The following PIEZO2 variants were observed in gnomAD, a reference collection of about 807,000 sequenced individuals.
PIEZO2 encodes the protein piezo type mechanosensitive ion channel component 2.
Under a neutral mutation model 337.3 loss-of-function variants are expected in PIEZO2, and 172 were observed. The ratio of observed to expected loss-of-function variants is 0.51; its 90% CI spans 0.45 to 0.58. The LOEUF is 0.58. PIEZO2 is among the 20% of genes least tolerant of loss of function. PIEZO2 has a pLI of 0.00. For missense variants in PIEZO2, 3,028 were observed against 3,391.3 expected (o/e 0.89, Z 2.66); for synonymous variants, 1,251 against 1,228.5 (o/e 1.02, Z -0.38).
chr18:10,958,822 G>A (rs1459900991), intron 3 of PIEZO2, among the ~76,000 whole-genome samples: 2 of 152,084 alleles, frequency 1.3e-5, no homozygotes, highest in Non-Finnish European at 2.9e-5. Context: ...CACAGTCTAA[G>A]GTATAAATTT....
At chr18:10,711,277 G>T (rs2035809111) in intron 39 of PIEZO2, among the ~76,000 whole-genome samples, 1 of 152,128 alleles carries the variant, frequency 6.6e-6, no homozygotes, top group East Asian at 1.9e-4. Context: ...AAGTCATAAA[G>T]ATGGGATTCA....
chr18:10,701,413 G>A (rs2035325047), intron 43 of PIEZO2, among the ~76,000 whole-genome samples: 1 of 152,172 alleles, frequency 6.6e-6, no homozygotes, highest in African/African-American at 2.4e-5. Flanking sequence ...GATCATGAGT[G>A]GCCTCCTCCA....
Position 11,078,088 on chromosome 18 carries a change from TAC to T in PIEZO2, c.65-11868_65-11867del, listed in dbSNP as rs544506346. Among the ~76,000 whole-genome samples, 6 of 140,674 alleles carry T rather than the reference TAC, an allele frequency of 4.3e-5. No homozygotes were observed. The highest frequency in any genetic ancestry group is 2.1e-4 in the East Asian group (1 of 4,844). The allele number at this position is 140,674 out of a possible 152,430, so 92.3% of individuals were successfully genotyped here. ...CACACCACACACACAAAAACAAACA[TAC>T]ACACACACAAACACATACACATATA... On this transcript the variant is annotated intron_variant, in intron 1 of 55. Coordinates refer to ENST00000674853, the MANE Select transcript of PIEZO2 (RefSeq NM_001378183.1). This position sits in a 1 kb window ranked among gnomAD's most constrained non-coding sequence, Gnocchi z 5.3.
Position 10,894,620 on chromosome 18 carries a change from C to T in PIEZO2, c.329+16566G>A, listed in dbSNP as rs547127294. 6.6e-6 allele frequency: 1 copy of T among 152,256 alleles called. No individual in the cohort carries two copies. Among genetic ancestry groups the T allele is most frequent in the Admixed American group, 6.5e-5 (1 of 15,294 alleles). 9.4% of individuals were successfully genotyped at this position (152,256 alleles called of 1,614,324 possible). On this transcript the variant is annotated intron_variant, in intron 4 of 55. Coordinates refer to ENST00000674853, the MANE Select transcript of PIEZO2 (RefSeq NM_001378183.1). The surrounding 1 kb of genome is among the most constrained non-coding windows in gnomAD (Gnocchi z 4.1). ...CAGCTGTGCATGTGGGCAGCCCACC[C>T]CAAAGGAAGAAGAATCAGGAAAGAA...
In PIEZO2 at chr18:11,054,268, T is replaced by A. The variant is rs574435538; in HGVS notation, c.160+11859A>T. ...ACATTTTTAAGAGTCTTGATTTCTT[T>A]AATTACTCATGATCCTGCAATCCTA... On this transcript the variant is annotated intron_variant, in intron 2 of 55. Coordinates refer to ENST00000674853, the MANE Select transcript of PIEZO2 (RefSeq NM_001378183.1). Among the ~76,000 whole-genome samples the A allele has an allele frequency of 1.9e-3, 294 of 152,338 alleles. 5 individuals carry two copies. Among genetic ancestry groups the A allele is most frequent in the Non-Finnish European group, 3.4e-4 (23 of 68,024 alleles).
chr18:10,880,601 C>T (rs1165962403), intron 4 of PIEZO2, among the ~76,000 whole-genome samples: 2 of 151,968 alleles, frequency 1.3e-5, no homozygotes, highest in African/African-American at 4.8e-5. Flanking sequence ...TGAATTACAA[C>T]AACATGACTA....
intron 55 of PIEZO2, 36 bp from the exon 56 acceptor site, chr18:10,671,815 G>C (rs1462515648): frequency 4.3e-5 from 63 of 1,481,210 alleles, no homozygotes; most frequent in Non-Finnish European, 5.6e-5. Flanking sequence ...GCATACAGCA[G>C]TTAAATATAG....
At chr18:11,142,202 T>TA (rs1320245798) in intron 1 of PIEZO2, among the ~76,000 whole-genome samples, 2 of 152,236 alleles carry the variant, frequency 1.3e-5, no homozygotes, top group Non-Finnish European at 2.9e-5. Context: ...AACTGTTACA[T>TA]ATATTTTCTT....
At chr18:11,068,730 C>A (rs2038239331) in intron 1 of PIEZO2, among the ~76,000 whole-genome samples, 1 of 151,986 alleles carries the variant, frequency 6.6e-6, no homozygotes, top group South Asian at 2.1e-4. Flanking sequence ...ATAGAAAAGG[C>A]CAACAAAACT....
chr18:10,872,595 T>C lies in PIEZO2; in HGVS notation c.330-1180A>G, dbSNP rs2144795535. On this transcript the variant is annotated intron_variant, in intron 4 of 55. Transcript: ENST00000674853. This position sits in a 1 kb window ranked among gnomAD's most constrained non-coding sequence, Gnocchi z 4.3. ...CAGCACACGACACGGGCCAGCCATG[T>C]CCCTCATCCGGTGCTAGATGCCTGC... Among the ~76,000 whole-genome samples, 1 of 152,302 alleles carries C rather than the reference T, an allele frequency of 6.6e-6. No homozygotes were observed. The highest frequency in any genetic ancestry group is 1.9e-4 in the East Asian group (1 of 5,172).
chr18:10,843,461 C>A (rs1207785898), intron 7 of PIEZO2, among the ~76,000 whole-genome samples: 1 of 152,052 alleles, frequency 6.6e-6, no homozygotes, highest in Non-Finnish European at 1.5e-5. Context: ...AAGAAATTTA[C>A]CACCACTAAT....
chr18:10,914,831 C>T (rs1189080380), intron 3 of PIEZO2, among the ~76,000 whole-genome samples: 9 of 152,166 alleles, frequency 5.9e-5, no homozygotes, highest in African/African-American at 2.2e-4. Flanking sequence ...ACACGGTAAA[C>T]AAACCTTGGA....
At chr18:10,983,460 T>C (rs2034746591) in intron 2 of PIEZO2, among the ~76,000 whole-genome samples, 1 of 152,168 alleles carries the variant, frequency 6.6e-6, no homozygotes, top group Non-Finnish European at 1.5e-5. Context: ...GTGAGTGATG[T>C]GTGTGCCTAA....
intron 39 of PIEZO2, among the ~76,000 whole-genome samples, chr18:10,714,530 G>C (rs1439104302): frequency 3.3e-5 from 5 of 152,078 alleles, no homozygotes; most frequent in African/African-American, 4.8e-5. Context: ...TGTGCCTTTG[G>C]GTCACACAGG....
intron 1 of PIEZO2, among the ~76,000 whole-genome samples, chr18:11,117,108 C>G (rs191117420): frequency 1.3e-5 from 2 of 152,000 alleles, no homozygotes; most frequent in East Asian, 1.9e-4. Context: ...TCTGTCCCCC[C>G]CACAAAAAAA....
At chr18:11,005,201 T>A (rs2035676655) in intron 2 of PIEZO2, among the ~76,000 whole-genome samples, 1 of 152,224 alleles carries the variant, frequency 6.6e-6, no homozygotes, top group Admixed American at 6.5e-5. Context: ...CCCCTTCACA[T>A]CAGGCTTCTT....
chr18:10,757,971 G>A lies in PIEZO2; in HGVS notation c.3921C>T (p.Cys1307=). 6.5e-7 allele frequency: 1 copy of A among 1,534,644 alleles called. No homozygotes were observed. The highest frequency in any genetic ancestry group is 2.4e-5 in the East Asian group (1 of 40,888). Residue 1307 remains cysteine, a splice_region_variant and synonymous_variant, in exon 27 of 56, where the codon TGC becomes TGT. Coordinates refer to ENST00000674853, the MANE Select transcript of PIEZO2 (RefSeq NM_001378183.1). ...AGCAAATGTGAAGCTCTTGTTACCTGCAGTGAATAAAATCTGGCACAGGGT... is the reference window on the plus strand; with the variant it reads ...AGCAAATGTGAAGCTCTTGTTACCTACAGTGAATAAAATCTGGCACAGGGT... ...QHNPVPDFIH[C]RSYLDMSKVI... is the part of the protein sequence containing the mutation.
In PIEZO2 at chr18:11,131,391, G is replaced by A. The variant is rs989209648; in HGVS notation, c.64+17134C>T. ...TGTCTTCTCTCCCACAGCCTGCACC[G>A]ATGGCCTCATGGGGAGTTCCCTATG... On this transcript the variant is annotated intron_variant, in intron 1 of 55. Transcript: ENST00000674853. This position sits in a 1 kb window ranked among gnomAD's most constrained non-coding sequence, Gnocchi z 5.3. Among the ~76,000 whole-genome samples the A allele has an allele frequency of 6.6e-6, 1 of 152,242 alleles. No homozygotes were observed. The highest frequency in any genetic ancestry group is 2.4e-5 in the African/African-American group (1 of 41,552).
intron 27 of PIEZO2, among the ~76,000 whole-genome samples, chr18:10,753,144 T>G (rs2037709747): frequency 6.6e-6 from 1 of 152,236 alleles, no homozygotes; most frequent in Non-Finnish European, 1.5e-5. Context: ...TGCCTACCAC[T>G]TGAGTATTCA....
Sources: allele counts gnomAD v4.1 joint callset (sites outside exome capture counted in the v4.1 genomes callset), GRCh38; gene constraint gnomAD v4.1.1; non-coding constraint Gnocchi (gnomAD v3.1); transcripts MANE v1.5; gene names NCBI Gene and HGNC (gene_info 2026-07-23, HGNC 2026-07-21).